The following SUMF1 variants were observed in gnomAD, a reference collection of about 807,000 sequenced individuals.
The protein encoded by SUMF1 is sulfatase modifying factor 1.
Under a neutral mutation model 47.6 loss-of-function variants are expected in SUMF1, and 48 were observed. The ratio of observed to expected loss-of-function variants is 1.01; its 90% confidence interval spans 0.80 to 1.28. SUMF1 has a LOEUF of 1.28. SUMF1 is among the 50% of genes most tolerant of loss of function. The pLI is 0.00. For synonymous variants in SUMF1, 230 were observed against 192.1 expected (o/e 1.20, Z -1.63); for missense variants, 571 against 485.4 (o/e 1.18, Z -1.66).
At chr3:4,170,702 G>C (rs191927752) in intron 8 of SUMF1, among the ~76,000 whole-genome samples, 1 of 152,174 alleles carries the variant, frequency 6.6e-6, no homozygotes, top group East Asian at 1.9e-4. Flanking sequence ...ACTAAACTTT[G>C]ACAAGGTGAA....
Position 4,064,700 on chromosome 3 carries a change from C to T in SUMF1, c.1191+3869G>A, listed in dbSNP as rs115147871. Among the ~76,000 whole-genome samples, 1,305 of 152,152 alleles carry T rather than the reference C, an allele frequency of 8.6e-3. 22 individuals are homozygous for T. The highest frequency in any genetic ancestry group is 0.03 in the African/African-American group (1,229 of 41,504). On this transcript the variant is annotated intron_variant and NMD_transcript_variant, in intron 9 of 12. Coordinates refer to the SUMF1 transcript ENST00000448413. ...TGATAACAGGAGAATGGCATGAACC[C>T]GGGAGGCAGAGGTTACAGTGGGGAA...
intron 8 of SUMF1, among the ~76,000 whole-genome samples, chr3:4,131,753 T>C (rs1302169954): frequency 6.6e-6 from 1 of 152,134 alleles, no homozygotes. Context: ...TCGTATCCCA[T>C]GTGAGTGCTC....
At chr3:4,414,008 T>C (rs1431358153) in intron 6 of SUMF1, among the ~76,000 whole-genome samples, 2 of 152,052 alleles carry the variant, frequency 1.3e-5, no homozygotes, top group South Asian at 2.1e-4. Context: ...GGATTACAGG[T>C]GCATGCTGCC....
intron 7 of SUMF1, among the ~76,000 whole-genome samples, chr3:4,377,258 C>A (rs1033299861): frequency 2.6e-5 from 4 of 151,934 alleles, no homozygotes; most frequent in African/African-American, 9.7e-5. Context: ...GTGCACAGTT[C>A]CAGTGAGTTT....
chr3:4,290,516 TAAGAACGAG>T (rs1266518194), intron 8 of SUMF1, among the ~76,000 whole-genome samples: 1 of 152,186 alleles, frequency 6.6e-6, no homozygotes, highest in African/African-American at 2.4e-5. Context: ...AAGCACATTT[TAAGAACGAG>T]AAGGTAACAT....
chr3:4,173,214 A>G (rs1170418297), intron 8 of SUMF1, among the ~76,000 whole-genome samples: 1 of 152,082 alleles, frequency 6.6e-6, no homozygotes, highest in African/African-American at 2.4e-5. Flanking sequence ...TGCTCTATAT[A>G]TCTCTTTTGG....
intron 8 of SUMF1, among the ~76,000 whole-genome samples, chr3:4,338,776 A>G (rs575108527): frequency 1.3e-4 from 20 of 152,250 alleles, no homozygotes; most frequent in African/African-American, 4.6e-4. Context: ...TCTCACAGGT[A>G]TACCTAGTAC....
intron 8 of SUMF1, among the ~76,000 whole-genome samples, chr3:4,254,869 G>C (rs1205987173): frequency 6.6e-6 from 1 of 152,038 alleles, no homozygotes; most frequent in Non-Finnish European, 1.5e-5. Context: ...AGAGAGAAAG[G>C]TCGGGTTACC....
chr3:4,424,859 G>C (rs1702019233), intron 3 of SUMF1, among the ~76,000 whole-genome samples: 1 of 152,216 alleles, frequency 6.6e-6, no homozygotes, highest in African/African-American at 2.4e-5. Flanking sequence ...GACATTTTTA[G>C]AATGAGTGTA....
At chr3:4,101,520 C>A (rs1173986720) in intron 8 of SUMF1, among the ~76,000 whole-genome samples, 1 of 152,038 alleles carries the variant, frequency 6.6e-6, no homozygotes, top group Non-Finnish European at 1.5e-5. Flanking sequence ...AAGGTGAGAG[C>A]TTGGTCAACA....
In SUMF1 at chr3:4,406,131, A is replaced by T. The variant is rs555379341; in HGVS notation, c.954+4734T>A. Among the ~76,000 whole-genome samples, 4 of 152,266 alleles carry T rather than the reference A, an allele frequency of 2.6e-5. No individual in the cohort carries two copies. The East Asian group carries it at 7.7e-4, about 29-fold the overall frequency. ...GAAGTAAGCAATATTATAATTAGAT[A>T]GCCAAAACATAATATAAACAAAAAC... On this transcript the variant is annotated intron_variant, in intron 7 of 8. Transcript: ENST00000272902.
intron 8 of SUMF1, among the ~76,000 whole-genome samples, chr3:4,188,968 TA>T (rs1015173757): frequency 6.6e-6 from 1 of 152,198 alleles, no homozygotes; most frequent in African/African-American, 2.4e-5. Context: ...ATAAGATTCC[TA>T]ATATTTCACC....
At chr3:4,178,003 T>G (rs1329779369) in intron 8 of SUMF1, among the ~76,000 whole-genome samples, 2 of 151,886 alleles carry the variant, frequency 1.3e-5, no homozygotes, top group East Asian at 3.9e-4. Flanking sequence ...AGAAGTAAAA[T>G]CTCTGAATAG....
chr3:4,376,714 G>A (rs1005840639), intron 7 of SUMF1, among the ~76,000 whole-genome samples: 1 of 152,154 alleles, frequency 6.6e-6, no homozygotes, highest in African/African-American at 2.4e-5. Context: ...CTCTTACCAT[G>A]TCATGATGCA....
At chr3:4,118,081 G>C (rs1693460628) in intron 8 of SUMF1, among the ~76,000 whole-genome samples, 1 of 152,096 alleles carries the variant, frequency 6.6e-6, no homozygotes, top group Non-Finnish European at 1.5e-5. Context: ...GGATCTGGCA[G>C]ATAATAGGGT....
At chr3:4,135,210 T>C (rs1387005470) in intron 8 of SUMF1, among the ~76,000 whole-genome samples, 3 of 152,232 alleles carry the variant, frequency 2.0e-5, no homozygotes, top group Non-Finnish European at 4.4e-5. Flanking sequence ...TGAATATTGA[T>C]GCAAAAATCC....
chr3:4,121,050 A>T (rs1693529478), intron 8 of SUMF1, among the ~76,000 whole-genome samples: 1 of 152,164 alleles, frequency 6.6e-6, no homozygotes, highest in Non-Finnish European at 1.5e-5. Flanking sequence ...ATGGAAAAAC[A>T]CTGGACCAGA....
At chr3:4,059,686 A>G (rs113762383) in intron 9 of SUMF1, among the ~76,000 whole-genome samples, 4 of 152,234 alleles carry the variant, frequency 2.6e-5, no homozygotes, top group African/African-American at 9.6e-5. Flanking sequence ...TTCTGCCTTC[A>G]TGGAGTTCAC....
intron 8 of SUMF1, among the ~76,000 whole-genome samples, chr3:4,288,196 T>C (rs545865139): frequency 6.6e-6 from 1 of 152,284 alleles, no homozygotes; most frequent in Admixed American, 6.5e-5. Context: ...CACTGGTACA[T>C]AGATACCAGT....
Sources: allele counts gnomAD v4.1 joint callset (sites outside exome capture counted in the v4.1 genomes callset), GRCh38; gene constraint gnomAD v4.1.1; transcripts MANE v1.5; gene names NCBI Gene and HGNC (gene_info 2026-07-23, HGNC 2026-07-21).